The following TESK2 variants were observed in gnomAD, a reference collection of about 807,000 sequenced individuals.
TESK2 encodes the protein testis associated actin remodelling kinase 2, also known as dual specificity testis-specific protein kinase 2.
In TESK2, 39 loss-of-function variants were observed where a neutral mutation model predicts 57.1. That is an observed-to-expected ratio of 0.68 (90% CI 0.53 to 0.89). TESK2 has a LOEUF of 0.89. Ranked by LOEUF, TESK2 falls within the 40% of genes least tolerant of loss-of-function variation. The pLI, the probability that TESK2 is intolerant of heterozygous loss-of-function variation, is 0.00. For missense variants in TESK2, 646 were observed against 732.1 expected (o/e 0.88, Z 1.36); for synonymous variants, 249 against 267.9 (o/e 0.93, Z 0.69).
chr1:45,358,603 T>C lies in TESK2; in HGVS notation c.394-3154A>G, dbSNP rs1051481666. Among the ~76,000 whole-genome samples, 49 of 152,258 alleles carry C rather than the reference T, an allele frequency of 3.2e-4. 1 individual carries two copies. The highest frequency in any genetic ancestry group is 1.3e-3 in the East Asian group (7 of 5,192). On this transcript the variant is annotated intron_variant, in intron 4 of 10. Transcript: ENST00000372086. ...ATATTATCTCATTTAATCTGCACAA[T>C]AACCCTATAAGGTAGGTACACTGGT...
At chr1:45,357,928 C>T (rs1247288187) in intron 4 of TESK2, among the ~76,000 whole-genome samples, 2 of 143,782 alleles carry the variant, frequency 1.4e-5, no homozygotes, top group African/African-American at 5.3e-5. Flanking sequence ...CGCTTGAACA[C>T]GGGAGATGGA....
intron 2 of TESK2, among the ~76,000 whole-genome samples, chr1:45,442,300 T>C (rs1651476979): frequency 6.6e-6 from 1 of 152,198 alleles, no homozygotes; most frequent in African/African-American, 2.4e-5. Flanking sequence ...AAAGCTTTTT[T>C]TTTTTTAAAT....
rs569977342 is a variant in TESK2 at position 45,386,838 on chromosome 1, G to A, written c.345-878C>T. Among the ~76,000 whole-genome samples, 50 of 152,186 alleles carry A rather than the reference G, an allele frequency of 3.3e-4. 1 individual carries two copies. The highest frequency in any genetic ancestry group is 1.1e-3 in the African/African-American group (44 of 41,506). ...CCAGCTAATTTTTGTATTTTTAGTA[G>A]AGACGGGGTTTCATCATGTTGGCCA... is the stretch of plus-strand genomic sequence containing the variant. On this transcript the variant is annotated intron_variant, in intron 3 of 10. Transcript: ENST00000372086.
At chr1:45,351,704 C>T (rs1409972425) in intron 5 of TESK2, among the ~76,000 whole-genome samples, 2 of 152,190 alleles carry the variant, frequency 1.3e-5, no homozygotes, top group Non-Finnish European at 2.9e-5. Flanking sequence ...ACGGAGGTTC[C>T]AAGGTCACTG....
chr1:45,357,873 C>A (rs915821732), intron 4 of TESK2, among the ~76,000 whole-genome samples: 4 of 151,618 alleles, frequency 2.6e-5, no homozygotes, highest in African/African-American at 9.7e-5. Context: ...GGCATGGTGG[C>A]GCATGCGTGT....
intron 5 of TESK2, 44 bp from the exon 6 acceptor site, chr1:45,348,044 C>T (rs750956928): frequency 9.1e-6 from 12 of 1,325,576 alleles, no homozygotes; most frequent in East Asian, 2.3e-5. Flanking sequence ...GGCTCAGAAG[C>T]GGGGATCAGC....
chr1:45,419,674 C>T (rs1350024302), intron 3 of TESK2, among the ~76,000 whole-genome samples: 1 of 151,904 alleles, frequency 6.6e-6, no homozygotes, highest in Non-Finnish European at 1.5e-5. Flanking sequence ...GGTGTGATGG[C>T]GAGTGTCTGT....
chr1:45,444,040 G>A (rs1651554058), intron 2 of TESK2, among the ~76,000 whole-genome samples: 3 of 152,210 alleles, frequency 2.0e-5, no homozygotes. Flanking sequence ...TTAGCCGGGT[G>A]TGGTGGCACA....
At chr1:45,375,423 C>T (rs539733303) in intron 4 of TESK2, among the ~76,000 whole-genome samples, 98 of 135,554 alleles carry the variant, frequency 7.2e-4, no homozygotes, top group African/African-American at 2.5e-3. Flanking sequence ...TTCCTTCACC[C>T]TTTTTTTTTT....
intron 1 of TESK2, among the ~76,000 whole-genome samples, chr1:45,482,214 CAG>C (rs1191879062): frequency 6.6e-6 from 1 of 152,136 alleles, no homozygotes; most frequent in Admixed American, 6.5e-5. Context: ...TCTCAAGAAA[CAG>C]AAAGGTCATG....
chr1:45,381,055 C>T (rs1648632505), intron 4 of TESK2, among the ~76,000 whole-genome samples: 1 of 152,186 alleles, frequency 6.6e-6, no homozygotes, highest in Non-Finnish European at 1.5e-5. Flanking sequence ...TTAGTTTTCT[C>T]ATCTACAAAA....
chr1:45,354,818 ATATATATATATATATATATATAT>A (rs1647352529), intron 5 of TESK2, among the ~76,000 whole-genome samples: 1 of 18,842 alleles, frequency 5.3e-5, no homozygotes, highest in African/African-American at 3.0e-4. Context: ...AAAAAAAAAT[ATATATATATATATATATATATAT>A]ATATATATGT....
intron 3 of TESK2, among the ~76,000 whole-genome samples, chr1:45,409,557 C>T (rs1042122350): frequency 4.6e-5 from 7 of 152,162 alleles, no homozygotes; most frequent in African/African-American, 1.7e-4. Context: ...AGGGAAATGA[C>T]ATAATCTGAT....
chr1:45,400,735 C>T (rs749430043), intron 3 of TESK2, among the ~76,000 whole-genome samples: 5 of 151,908 alleles, frequency 3.3e-5, no homozygotes, highest in East Asian at 1.9e-4. Flanking sequence ...AAGAAGTGAA[C>T]GAAGAGCCAG....
At chr1:45,354,105 C>T (rs1647308408) in intron 5 of TESK2, among the ~76,000 whole-genome samples, 1 of 152,244 alleles carries the variant, frequency 6.6e-6, no homozygotes. Flanking sequence ...TGACTGCTGT[C>T]ATTCCTATAA....
At chr1:45,476,535 A>G (rs150779751) in intron 1 of TESK2, among the ~76,000 whole-genome samples, 1 of 151,784 alleles carries the variant, frequency 6.6e-6, no homozygotes, top group African/African-American at 2.4e-5. Context: ...ACAACTTAAT[A>G]TTATGTAGTC....
chr1:45,480,069 G>A (rs1189892923), intron 1 of TESK2, among the ~76,000 whole-genome samples: 3 of 70,322 alleles, frequency 4.3e-5, no homozygotes, highest in African/African-American at 7.1e-5. Context: ...TGATCCACCC[G>A]CCTCAGCCTC....
At chr1:45,464,432 A>G (rs903003211) in intron 1 of TESK2, among the ~76,000 whole-genome samples, 13 of 152,104 alleles carry the variant, frequency 8.5e-5, no homozygotes, top group African/African-American at 3.1e-4. Flanking sequence ...TAAAAAAAAA[A>G]AAAAAAAGTC....
intron 8 of TESK2, 87 bp from the exon 9 acceptor site, chr1:45,346,866 G>A: frequency 6.5e-7 from 1 of 1,530,562 alleles, no homozygotes; most frequent in Non-Finnish European, 9.0e-7. Flanking sequence ...GTTGGGAGCT[G>A]CCCCTGACAA....
Sources: gnomAD v4.1 joint callset for allele counts (sites outside exome capture counted in the v4.1 genomes callset) on GRCh38, gnomAD v4.1.1 for gene constraint, MANE v1.5 for transcripts, NCBI Gene and HGNC (gene_info 2026-07-23, HGNC 2026-07-21) for gene names.